The following GNA14 variants were observed in gnomAD, a reference collection of about 807,000 sequenced individuals.
GNA14 encodes guanine nucleotide-binding protein subunit alpha-14.
A neutral mutation model predicts 42.0 loss-of-function variants in GNA14; 50 were observed. That is an observed-to-expected ratio of 1.19 (90% CI 0.95 to 1.51). The LOEUF (loss-of-function observed/expected upper bound fraction) is 1.51, where lower values mean the gene tolerates loss of function less well. Ranked by LOEUF, GNA14 falls within the 40% of genes most tolerant of loss-of-function variation. GNA14 has a pLI of 0.00. For missense variants in GNA14, 473 were observed against 446.2 expected (o/e 1.06, Z -0.54); for synonymous variants, 173 against 163.1 (o/e 1.06, Z -0.46).
chr9:77,581,206 C>A (rs911400832), intron 1 of GNA14, among the ~76,000 whole-genome samples: 1 of 152,066 alleles, frequency 6.6e-6, no homozygotes, highest in Non-Finnish European at 1.5e-5. Flanking sequence ...CCACATGAAA[C>A]CTTAGTTATG....
chr9:77,624,208 C>A (rs1351828670), intron 1 of GNA14, among the ~76,000 whole-genome samples: 3 of 152,202 alleles, frequency 2.0e-5, no homozygotes, highest in African/African-American at 7.2e-5. Flanking sequence ...TGTGGCCAGA[C>A]TGCCTGTCTA....
At chr9:77,610,327 A>G (rs1823710447) in intron 1 of GNA14, among the ~76,000 whole-genome samples, 1 of 152,186 alleles carries the variant, frequency 6.6e-6, no homozygotes, top group Admixed American at 6.6e-5. Context: ...ACATTAACAA[A>G]TATGTTTGCC....
At chr9:77,473,431 G>T (rs1412658890) in intron 2 of GNA14, among the ~76,000 whole-genome samples, 1 of 152,136 alleles carries the variant, frequency 6.6e-6, no homozygotes, top group East Asian at 1.9e-4. Context: ...ACTCAAGCCT[G>T]AGTGACAGAG....
chr9:77,570,403 C>G (rs931263330), intron 1 of GNA14, among the ~76,000 whole-genome samples: 4 of 152,174 alleles, frequency 2.6e-5, no homozygotes, highest in Non-Finnish European at 2.9e-5. Flanking sequence ...TCCTTGCCCC[C>G]ACCACTGCAG....
At chr9:77,538,972 C>T (rs929698413) in intron 1 of GNA14, among the ~76,000 whole-genome samples, 1 of 152,164 alleles carries the variant, frequency 6.6e-6, no homozygotes, top group Non-Finnish European at 1.5e-5. Flanking sequence ...AATTTGACTT[C>T]CTCTTTTCCA....
At chr9:77,635,500 A>C (rs1037224257) in intron 1 of GNA14, among the ~76,000 whole-genome samples, 2 of 152,206 alleles carry the variant, frequency 1.3e-5, no homozygotes, top group African/African-American at 2.4e-5. Context: ...TACTATGTCA[A>C]TAACTAGTTT....
At chr9:77,492,706 C>T (rs6560603) in intron 2 of GNA14, among the ~76,000 whole-genome samples, 84,829 of 151,658 alleles carry the variant, frequency 0.56, 24,384 homozygotes, top group East Asian at 0.83. Context: ...AAATCTATTA[C>T]CAAAAATACT....
chr9:77,592,454 G>A (rs1823405343), intron 1 of GNA14, among the ~76,000 whole-genome samples: 1 of 152,192 alleles, frequency 6.6e-6, no homozygotes, highest in South Asian at 2.1e-4. Context: ...GATTCTCATA[G>A]TATAAAAGAT....
At chr9:77,455,343 G>A (rs1385995117) in intron 2 of GNA14, among the ~76,000 whole-genome samples, 1 of 152,210 alleles carries the variant, frequency 6.6e-6, no homozygotes, top group Non-Finnish European at 1.5e-5. Context: ...GATTAGGTCA[G>A]AACACCCAGG....
chr9:77,434,071 C>G (rs921467463), intron 3 of GNA14, among the ~76,000 whole-genome samples: 1 of 152,128 alleles, frequency 6.6e-6, no homozygotes, highest in South Asian at 2.1e-4. Flanking sequence ...GAGATCAGTC[C>G]CACTTAAGGG....
intron 2 of GNA14, among the ~76,000 whole-genome samples, chr9:77,467,509 G>A (rs544263196): frequency 6.7e-6 from 1 of 150,232 alleles, no homozygotes; most frequent in African/African-American, 2.5e-5. Flanking sequence ...TGTTGCATGT[G>A]GCTACTAGAT....
chr9:77,515,783 G>C (rs982966657), intron 2 of GNA14, among the ~76,000 whole-genome samples: 1 of 151,552 alleles, frequency 6.6e-6, no homozygotes, highest in African/African-American at 2.4e-5. Flanking sequence ...GGGCAACATA[G>C]GGAGACCCCA....
chr9:77,642,528 G>A (rs1484488037), intron 1 of GNA14, among the ~76,000 whole-genome samples: 1 of 152,184 alleles, frequency 6.6e-6, no homozygotes, highest in East Asian at 1.9e-4. Flanking sequence ...CACTTTGGGA[G>A]GCTGAGGCAG....
At chr9:77,473,818 T>C (rs562053732) in intron 2 of GNA14, among the ~76,000 whole-genome samples, 264 of 152,214 alleles carry the variant, frequency 1.7e-3, no homozygotes, top group African/African-American at 6.0e-3. Context: ...AGGATAGACA[T>C]TTAGGATAAT....
chr9:77,595,739 C>T (rs527922361), intron 1 of GNA14, among the ~76,000 whole-genome samples: 25 of 152,280 alleles, frequency 1.6e-4, no homozygotes, highest in African/African-American at 5.3e-4. Context: ...CTGGGCAGCA[C>T]CACAGGCAGG....
chr9:77,473,867 T>C (rs1252391894), intron 2 of GNA14, among the ~76,000 whole-genome samples: 1 of 152,118 alleles, frequency 6.6e-6, no homozygotes, highest in Non-Finnish European at 1.5e-5. Flanking sequence ...AAATTTATAG[T>C]CAACTGATTT....
intron 1 of GNA14, among the ~76,000 whole-genome samples, chr9:77,560,522 C>A (rs1271326276): frequency 2.6e-5 from 4 of 151,944 alleles, no homozygotes; most frequent in African/African-American, 9.7e-5. Flanking sequence ...TCCCATGTTG[C>A]CCAGGCTGGT....
chr9:77,554,346 T>C (rs1268330517), intron 1 of GNA14, among the ~76,000 whole-genome samples: 2 of 152,230 alleles, frequency 1.3e-5, no homozygotes, highest in African/African-American at 4.8e-5. Context: ...TGTTTCATTA[T>C]TTATGCACAA....
At chr9:77,428,698 G>T (rs1835493950) in intron 5 of GNA14, among the ~76,000 whole-genome samples, 1 of 152,194 alleles carries the variant, frequency 6.6e-6, no homozygotes, top group South Asian at 2.1e-4. Context: ...TGCAGATGCT[G>T]ATGTAGTTGG....
Sources: allele counts gnomAD v4.1 joint callset (sites outside exome capture counted in the v4.1 genomes callset), GRCh38; gene constraint gnomAD v4.1.1; transcripts MANE v1.5; gene names NCBI Gene and HGNC (gene_info 2026-07-23, HGNC 2026-07-21).